TMCC1: variants seen among roughly 807,000 people sequenced by gnomAD.
The protein encoded by TMCC1 is transmembrane and coiled-coil domain family 1.
TMCC1 carries 15 observed loss-of-function variants against 52.4 expected under a neutral mutation model. That is an observed-to-expected ratio of 0.29 (90% CI 0.19 to 0.44). TMCC1 has a LOEUF of 0.44. TMCC1 is among the 20% of genes least tolerant of loss of function. TMCC1 has a pLI of 1.00. For missense variants in TMCC1, 503 were observed against 806.0 expected, an observed-to-expected ratio of 0.62 and a Z score of 4.55; for synonymous variants, 279 against 301.9, an observed-to-expected ratio of 0.92 and a Z score of 0.79.
rs546164174 is a variant in TMCC1, at chr3:129,785,905, C to T, written c.576+41898G>A. The stretch of plus-strand genomic sequence containing the variant: ...CTTAGAAGATTAGATTTTGAAAGGA[C>T]GTTCATGTTAGAACTTACCCTCACC... On this transcript the variant is annotated intron_variant, in intron 4 of 6. Coordinates refer to ENST00000393238, the MANE Select transcript of TMCC1 (RefSeq NM_001017395.5). 2.7e-5 allele frequency among the ~76,000 whole-genome samples: 4 copies of T among 148,572 alleles called. No homozygotes were observed. The South Asian group carries it at 6.4e-4, about 24-fold the overall frequency.
At chr3:129,820,890 C>G (rs569927266) in intron 4 of TMCC1, among the ~76,000 whole-genome samples, 1 of 152,126 alleles carries the variant, frequency 6.6e-6, no homozygotes, top group Non-Finnish European at 1.5e-5. Context: ...AAGCACTGTT[C>G]AGAGGTTAGT....
chr3:129,858,481 C>A (rs2060243328), intron 2 of TMCC1, among the ~76,000 whole-genome samples: 3 of 152,294 alleles, frequency 2.0e-5, no homozygotes, highest in African/African-American at 7.2e-5. Flanking sequence ...AGTCATCCTC[C>A]CACCTCAGCC....
intron 4 of TMCC1, among the ~76,000 whole-genome samples, chr3:129,694,512 G>A (rs2047257003): frequency 6.6e-6 from 1 of 152,220 alleles, no homozygotes; most frequent in Non-Finnish European, 1.5e-5. Context: ...GTCACAAGAT[G>A]AGATAGGAGG....
At chr3:129,658,165 G>C (rs767848110) in intron 5 of TMCC1, among the ~76,000 whole-genome samples, 7 of 152,130 alleles carry the variant, frequency 4.6e-5, no homozygotes, top group Non-Finnish European at 1.0e-4. Flanking sequence ...AGAAACATTA[G>C]AACATAAAAC....
rs2058977655 is a variant in TMCC1 at position 129,832,808 on chromosome 3, A to C, written c.-165T>G. The C allele has an allele frequency of 6.6e-6, 1 of 152,238 alleles. No homozygotes were observed. Among genetic ancestry groups the C allele is most frequent in the South Asian group, 2.1e-4 (1 of 4,836 alleles). 9.4% of individuals were successfully genotyped at this position (152,238 alleles called of 1,614,324 possible). ...TCTTCCTTAAGCACTTCTAAGGTGT[A>C]CAATCCTTTTAGGAAAAGCTGAAAA... On this transcript the variant is annotated 5_prime_UTR_variant, in exon 3 of 7. Transcript: ENST00000393238.
In TMCC1 at chr3:129,838,752, C is replaced by CAA. The variant is rs35240365; in HGVS notation, c.-183-5928_-183-5927dup. ...TGGGTGACAGAGCAAGACTCTGTCT[C>CAA]AAAAAAAAAAAAAAAAAAAAAAAAA... On this transcript the variant is annotated intron_variant, in intron 2 of 6. Coordinates refer to ENST00000393238, the MANE Select transcript of TMCC1 (RefSeq NM_001017395.5). Among the ~76,000 whole-genome samples, 18 of 65,824 alleles carry CAA rather than the reference C, an allele frequency of 2.7e-4. 2 individuals carry two copies. The highest frequency in any genetic ancestry group is 5.3e-4 in the African/African-American group (8 of 14,962). The allele number at this position is 65,824 out of a possible 152,430, so 43.2% of individuals were successfully genotyped here.
At chr3:129,864,586 G>C in intron 2 of TMCC1, among the ~76,000 whole-genome samples, 1 of 152,090 alleles carries the variant, frequency 6.6e-6, no homozygotes, top group South Asian at 2.1e-4. Flanking sequence ...ACCCAGGTTC[G>C]AGACTAGCCT....
intron 2 of TMCC1, chr3:129,866,879 TTGAAATACTTTTGAAAAACAAA>T (rs1201930768): frequency 2.0e-5 from 3 of 152,220 alleles, no homozygotes; most frequent in South Asian, 2.1e-4. Context: ...TGTTTGAAAC[TTGAAATACTTTTGAAAAACAAA>T]TGAAATACTT....
chr3:129,762,637 C>G (rs957645637), intron 4 of TMCC1, among the ~76,000 whole-genome samples: 4 of 152,018 alleles, frequency 2.6e-5, no homozygotes, highest in African/African-American at 9.7e-5. Context: ...AAAAAATTAG[C>G]TGGGCTTGGT....
intron 2 of TMCC1, among the ~76,000 whole-genome samples, chr3:129,871,593 AACC>A (rs751753716): frequency 1.6e-4 from 24 of 152,300 alleles, no homozygotes; most frequent in Admixed American, 5.2e-4. Flanking sequence ...AATCCCGTGT[AACC>A]ACAACTAAGC....
rs183910360 is a variant in TMCC1, at chr3:129,662,191, G to A, written c.1512-7088C>T. ...AATCGGGGCAGAGGAGATGGTGGGT[G>A]GGTGGGAGGTTCTTAATCATACAAG... On this transcript the variant is annotated intron_variant, in intron 5 of 6. Coordinates refer to ENST00000393238, the MANE Select transcript of TMCC1 (RefSeq NM_001017395.5). Among the ~76,000 whole-genome samples the A allele has an allele frequency of 3.0e-3, 458 of 152,220 alleles. 2 individuals carry two copies. The highest frequency in any genetic ancestry group is 0.011 in the African/African-American group (443 of 41,538).
At chr3:129,777,362 T>C (rs1020398008) in intron 4 of TMCC1, among the ~76,000 whole-genome samples, 3 of 152,210 alleles carry the variant, frequency 2.0e-5, no homozygotes, top group Non-Finnish European at 4.4e-5. Flanking sequence ...ATAATCTGAT[T>C]TGAAAATCCG....
intron 4 of TMCC1, among the ~76,000 whole-genome samples, chr3:129,717,440 T>C (rs984461617): frequency 1.3e-5 from 2 of 152,194 alleles, no homozygotes; most frequent in African/African-American, 2.4e-5. Flanking sequence ...CCTAATTACA[T>C]TTTCTGCCTA....
chr3:129,713,738 G>GA (rs2048869613), intron 4 of TMCC1, among the ~76,000 whole-genome samples: 1 of 150,236 alleles, frequency 6.7e-6, no homozygotes, highest in Non-Finnish European at 1.5e-5. Flanking sequence ...AAAAAAAAAG[G>GA]AAAAGAAAAT....
At chr3:129,706,039 C>A (rs955181615) in intron 4 of TMCC1, among the ~76,000 whole-genome samples, 12 of 151,094 alleles carry the variant, frequency 7.9e-5, no homozygotes, top group Non-Finnish European at 1.8e-4. Context: ...TACAAGCGTG[C>A]GCCACCATGC....
chr3:129,871,794 C>T (rs1475174869), intron 2 of TMCC1, among the ~76,000 whole-genome samples: 2 of 152,070 alleles, frequency 1.3e-5, no homozygotes, highest in East Asian at 3.8e-4. Flanking sequence ...AAAAAAGAAT[C>T]AAAGTCTAAC....
chr3:129,734,017 A>T (rs1359238890), intron 4 of TMCC1, among the ~76,000 whole-genome samples: 1 of 152,234 alleles, frequency 6.6e-6, no homozygotes, highest in Non-Finnish European at 1.5e-5. Flanking sequence ...TAAACAGAAG[A>T]TGAATATACT....
rs933181484 is a variant in TMCC1 at position 129,649,852 on chromosome 3, C to T, written c.*1629G>A. The T allele has an allele frequency of 1.3e-5, 2 of 152,452 alleles. No individual in the cohort carries two copies. The highest frequency in any genetic ancestry group is 6.5e-5 in the Admixed American group (1 of 15,276). 9.4% of individuals were successfully genotyped at this position (152,452 alleles called of 1,614,324 possible). The stretch of plus-strand genomic sequence containing the variant: ...GCTCTCTAGATAAACTCTAAATGTT[C>T]AAGTTCCACCAGGATGATGGAACTG... On this transcript the variant is annotated 3_prime_UTR_variant, in exon 7 of 7. Transcript: ENST00000393238.
At chr3:129,746,430 C>T (rs905891470) in intron 4 of TMCC1, among the ~76,000 whole-genome samples, 1 of 151,878 alleles carries the variant, frequency 6.6e-6, no homozygotes, top group Non-Finnish European at 1.5e-5. Flanking sequence ...CCGCCCGCCT[C>T]GGCCTCCCAA....
Sources: gnomAD v4.1 joint callset for allele counts (sites outside exome capture counted in the v4.1 genomes callset) on GRCh38, gnomAD v4.1.1 for gene constraint, MANE v1.5 for transcripts, NCBI Gene and HGNC (gene_info 2026-07-23, HGNC 2026-07-21) for gene names.